LANCL3: variants seen among roughly 807,000 people sequenced by gnomAD.
LANCL3 encodes the protein lanC-like protein 3.
Under a neutral mutation model 26.5 loss-of-function variants are expected in LANCL3, and 19 were observed. The ratio of observed to expected loss-of-function variants is 0.72; its 90% CI spans 0.50 to 1.05. LANCL3 has a LOEUF of 1.05. Among genes scored for constraint, LANCL3 ranks in the 50% least tolerant of loss-of-function variants. The probability of loss-of-function intolerance (pLI) is 0.00; values close to 1 mark genes in which losing one functional copy is unlikely to be tolerated. For missense variants in LANCL3, 318 were observed against 362.7 expected, an observed-to-expected ratio of 0.88 and a Z score of 1.00; for synonymous variants, 160 against 166.6, an observed-to-expected ratio of 0.96 and a Z score of 0.30.
chrX:37,647,529 CA>C (rs1926020582), intron 1 of LANCL3, among the ~76,000 whole-genome samples: 1 of 111,954 alleles, frequency 8.9e-6, no homozygotes, highest in Non-Finnish European at 1.9e-5. Context: ...GATGATGAGG[CA>C]AAGGATTGGG....
Position 37,667,497 on chromosome X carries a change from G to T in LANCL3, c.1103+8G>T. ...CATCTACCGAGCTCAAAGGTCAGCT[G>T]TTCTTTATGGGTCTTTTTTTTTTTC... On this transcript the variant is annotated splice_region_variant and intron_variant, in intron 4 of 4. Coordinates refer to ENST00000378619, the MANE Select transcript of LANCL3 (RefSeq NM_001170331.2). 9.5e-7 allele frequency: 1 copy of T among 1,051,634 alleles called. No homozygotes were observed. Among genetic ancestry groups the T allele is most frequent in the East Asian group, 3.5e-5 (1 of 28,583 alleles). 86.7% of individuals were successfully genotyped at this position (1,051,634 alleles called of 1,213,427 possible). A position where few individuals can be genotyped will look rare whatever the true frequency, so the allele number is the denominator to read the frequency against.
intron 1 of LANCL3, among the ~76,000 whole-genome samples, chrX:37,622,013 T>A (rs1602111549): frequency 9.0e-6 from 1 of 111,325 alleles, no homozygotes; most frequent in African/African-American, 3.3e-5. Context: ...TGCCAAACAC[T>A]CTCCTCCTCT....
chrX:37,660,575 G>A (rs1926394074), intron 3 of LANCL3, among the ~76,000 whole-genome samples: 1 of 111,288 alleles, frequency 9.0e-6, no homozygotes, highest in Non-Finnish European at 1.9e-5. Flanking sequence ...TGGTTAGATG[G>A]CCAGGGGAGA....
chrX:37,608,352 G>A, intron 1 of LANCL3, among the ~76,000 whole-genome samples: 1 of 111,841 alleles, frequency 8.9e-6, no homozygotes, highest in Middle Eastern at 4.6e-3. Context: ...CTACCTCAGA[G>A]TTTCTGTTTC....
chrX:37,595,583 A>G (rs1569462852), intron 1 of LANCL3, among the ~76,000 whole-genome samples: 1 of 112,373 alleles, frequency 8.9e-6, no homozygotes, highest in Non-Finnish European at 1.9e-5. Context: ...GACAGATCCA[A>G]ATGATCCACT....
intron 1 of LANCL3, among the ~76,000 whole-genome samples, chrX:37,611,810 G>A (rs1292442687): frequency 8.9e-6 from 1 of 112,225 alleles, no homozygotes; most frequent in Non-Finnish European, 1.9e-5. Context: ...TTCCTTATCT[G>A]TAAAATGCAC....
chrX:37,676,120 G>A lies in LANCL3; in HGVS notation c.*307G>A. 1 of 160,620 alleles carries A rather than the reference G, an allele frequency of 6.2e-6. No individual in the cohort carries two copies. The highest frequency in any genetic ancestry group is 1.2e-5 in the Non-Finnish European group (1 of 84,124). The allele number at this position is 160,620 out of a possible 1,213,427, so 13.2% of individuals were successfully genotyped here. ...CAGTTATGACATAGAAAACCAAACT[G>A]CAAGTGTAGACTATGACAAAAAATA... On this transcript the variant is annotated 3_prime_UTR_variant, in exon 5 of 5. Transcript: ENST00000378619.
chrX:37,621,971 C>A (rs1328852374), intron 1 of LANCL3, among the ~76,000 whole-genome samples: 1 of 111,511 alleles, frequency 9.0e-6, no homozygotes, highest in African/African-American at 3.3e-5. Context: ...TGGGATGACT[C>A]TCATCTTCCT....
intron 1 of LANCL3, among the ~76,000 whole-genome samples, chrX:37,594,755 G>T (rs1924379646): frequency 8.9e-6 from 1 of 112,003 alleles, no homozygotes; most frequent in Admixed American, 9.5e-5. Context: ...CAGTCTTGGG[G>T]ATTCAGGACT....
intron 1 of LANCL3, among the ~76,000 whole-genome samples, chrX:37,583,476 A>C (rs1923962064): frequency 9.0e-6 from 1 of 111,343 alleles, no homozygotes; most frequent in Non-Finnish European, 1.9e-5. Flanking sequence ...ATTTCTTTGT[A>C]TCCTCTTTTA....
At chrX:37,663,713 A>G (rs782010289) in intron 3 of LANCL3, among the ~76,000 whole-genome samples, 2 of 111,333 alleles carry the variant, frequency 1.8e-5, no homozygotes, top group South Asian at 3.9e-4. Context: ...GCAATCATCT[A>G]AGAAGGACAC....
chrX:37,672,121 A>T (rs2031682623), intron 4 of LANCL3, among the ~76,000 whole-genome samples: 2 of 111,834 alleles, frequency 1.8e-5, no homozygotes, highest in South Asian at 3.7e-4. Context: ...TTAATTTTTT[A>T]AAATTTGTGT....
In LANCL3 at chrX:37,683,269, TC is replaced by T. The variant is rs1926981367; in HGVS notation, c.*7457del. On this transcript the variant is annotated 3_prime_UTR_variant, in exon 5 of 5. Coordinates refer to ENST00000378619, the MANE Select transcript of LANCL3 (RefSeq NM_001170331.2). ...CTTATGAGGAGGTACAAAGAAATAC[TC>T]TGTCAATATAGTATAACTGCTTATT... The T allele has an allele frequency of 8.9e-6, 1 of 111,813 alleles. No individual in the cohort carries two copies. Among genetic ancestry groups the T allele is most frequent in the African/African-American group, 3.2e-5 (1 of 30,814 alleles). The allele number at this position is 111,813 out of a possible 1,213,427, so 9.2% of individuals were successfully genotyped here.
intron 1 of LANCL3, among the ~76,000 whole-genome samples, chrX:37,579,305 A>G (rs1326691766): frequency 2.7e-5 from 3 of 111,539 alleles, no homozygotes; most frequent in African/African-American, 9.8e-5. Flanking sequence ...ACATGCATAT[A>G]CATATACAGT....
intron 1 of LANCL3, among the ~76,000 whole-genome samples, chrX:37,584,586 G>A (rs1225141796): frequency 2.7e-5 from 3 of 111,341 alleles, no homozygotes; most frequent in Non-Finnish European, 3.8e-5. Flanking sequence ...TTTCTTCTAG[G>A]TTTTCAAGTT....
chrX:37,576,170 CTTTTT>C (rs1383831886), intron 1 of LANCL3, among the ~76,000 whole-genome samples: 1 of 111,383 alleles, frequency 9.0e-6, no homozygotes, highest in Non-Finnish European at 1.9e-5. Context: ...AGGTTCTTTT[CTTTTT>C]ATTTGATTTT....
chrX:37,573,876 GA>G (rs1556416061), intron 1 of LANCL3, among the ~76,000 whole-genome samples: 1 of 108,277 alleles, frequency 9.2e-6, no homozygotes, highest in Non-Finnish European at 1.9e-5. Context: ...AAGCAGACCA[GA>G]AGGACTCTGC....
chrX:37,603,185 GAA>G lies in LANCL3; in HGVS notation c.573+30744_573+30745del, dbSNP rs1924618395. ...CTTTCCTGCTTCCAAAAGAAAATGT[GAA>G]ATAACTTGTGCCAGGATCTAAAAGA... On this transcript the variant is annotated intron_variant, in intron 1 of 4. Transcript: ENST00000378619. Among the ~76,000 whole-genome samples the G allele has an allele frequency of 3.6e-5, 4 of 112,277 alleles. No homozygotes were observed. The South Asian group carries it at 1.1e-3, about 32-fold the overall frequency.
chrX:37,589,736 C>T (rs1211406384), intron 1 of LANCL3, among the ~76,000 whole-genome samples: 2 of 111,640 alleles, frequency 1.8e-5, no homozygotes, highest in Non-Finnish European at 3.8e-5. Flanking sequence ...GACTAAATAG[C>T]ATATGTATTC....
Sources: gnomAD v4.1 joint callset for allele counts (sites outside exome capture counted in the v4.1 genomes callset) on GRCh38, gnomAD v4.1.1 for gene constraint, MANE v1.5 for transcripts, NCBI Gene and HGNC (gene_info 2026-07-23, HGNC 2026-07-21) for gene names.